Variants in MLF1 observed in about 807,000 individuals in gnomAD.
MLF1 encodes the protein myeloid leukemia factor 1, also known as myelodysplasia-myeloid leukemia factor 1.
MLF1 carries 37 observed loss-of-function variants against 38.3 expected under a neutral mutation model. The ratio of observed to expected loss-of-function variants is 0.96; its 90% confidence interval spans 0.74 to 1.27. The LOEUF is 1.27. Among genes scored for constraint, MLF1 ranks in the 50% most tolerant of loss-of-function variants. The pLI is 0.00. For missense variants in MLF1, 331 were observed against 349.2 expected (o/e 0.95, Z 0.42); for synonymous variants, 95 against 106.5 (o/e 0.89, Z 0.66).
chr3:158,585,815 G>A (rs1020444628), intron 1 of MLF1, among the ~76,000 whole-genome samples: 21 of 152,136 alleles, frequency 1.4e-4, no homozygotes, highest in Non-Finnish European at 3.1e-4. Flanking sequence ...AGTAATTTAA[G>A]AACAATTTCT....
intron 6 of MLF1, among the ~76,000 whole-genome samples, chr3:158,600,536 A>G (rs1719594146): frequency 6.6e-6 from 1 of 151,482 alleles, no homozygotes. Flanking sequence ...AACTCAAAAT[A>G]CTAGTAATAT....
In MLF1 at chr3:158,600,032, G is replaced by A. The variant is rs73024716; in HGVS notation, c.472G>A (p.Ala158Thr). The change falls in exon 6 of 8, where the codon GCA becomes ACA. Residue 158 changes from alanine to threonine, a missense_variant. Physicochemically the swap from Ala to Thr is moderately conservative, Grantham distance 58. Coordinates refer to ENST00000466246, the MANE Select transcript of MLF1 (RefSeq NM_001369783.1). Reference sequence around the variant, plus strand: ...TTTACAGATAAAGGAAACCAGGAAAGCAATGAGAGATTCTGACAGTGGACT... The same window carrying A: ...TTTACAGATAAAGGAAACCAGGAAAACAATGAGAGATTCTGACAGTGGACT... ...APGGIKETRK[A>T]MRDSDSGLEK... The A allele has an allele frequency of 2.9e-3, 4,161 of 1,414,912 alleles. 103 individuals carry two copies. In the African/African-American group the frequency reaches 0.056, roughly 19 times the overall value. 87.6% of individuals were successfully genotyped at this position (1,414,912 alleles called of 1,614,324 possible). A position where few individuals can be genotyped will look rare whatever the true frequency, so the allele number is the denominator to read the frequency against.
At chr3:158,591,107 G>A (rs1180126768) in intron 1 of MLF1, 1 of 513,242 alleles carries the variant, frequency 1.9e-6, no homozygotes. Context: ...CAGAATTTTT[G>A]AGCTTCCTCC....
In MLF1 at chr3:158,598,352, T is replaced by C. The variant is rs948025476; in HGVS notation, c.453+144T>C. On this transcript the variant is annotated intron_variant, in intron 5 of 7. Transcript: ENST00000466246. Reference sequence around the variant, plus strand: ...GGTGTGGGGGTTGGGGGTAAGGTAGTCCTCACTGTGGAAACCATTAAAGCT... The same window carrying C: ...GGTGTGGGGGTTGGGGGTAAGGTAGCCCTCACTGTGGAAACCATTAAAGCT... 17 of 820,562 alleles carry C rather than the reference T, an allele frequency of 2.1e-5. No individual in the cohort carries two copies. The African/African-American group carries it at 3.0e-4, about 14-fold the overall frequency. The allele number at this position is 820,562 out of a possible 1,614,324, so 50.8% of individuals were successfully genotyped here.
At chr3:158,591,478 C>G (rs1374112752) in intron 1 of MLF1, among the ~76,000 whole-genome samples, 1 of 152,034 alleles carries the variant, frequency 6.6e-6, no homozygotes, top group East Asian at 1.9e-4. Flanking sequence ...ATTTTAAAAA[C>G]TTTCTAGCTT....
chr3:158,600,075 G>T lies in MLF1; in HGVS notation c.515G>T (p.Gly172Val), dbSNP rs1576687602. The T allele has an allele frequency of 3.4e-6, 5 of 1,467,386 alleles. No homozygotes were observed. The East Asian group carries it at 1.3e-4, about 38-fold the overall frequency. The allele number at this position is 1,467,386 out of a possible 1,614,324, so 90.9% of individuals were successfully genotyped here. A position where few individuals can be genotyped will look rare whatever the true frequency, so the allele number is the denominator to read the frequency against. Residue 172 changes from glycine to valine, a missense_variant, in exon 6 of 8, where the codon GGT becomes GTT. Coordinates refer to ENST00000466246, the MANE Select transcript of MLF1 (RefSeq NM_001369783.1). ...SDSGLEKMAI[G>V]HHIHDRAHVI... ...AGTGGACTAGAAAAAATGGCTATTG[G>T]TCATCATATCCATGACCGAGCTCAT...
intron 1 of MLF1, among the ~76,000 whole-genome samples, chr3:158,580,213 A>G (rs1335926363): frequency 6.6e-6 from 1 of 152,010 alleles, no homozygotes; most frequent in Non-Finnish European, 1.5e-5. Flanking sequence ...TGATGGGTTG[A>G]TACGTGTAGC....
At chr3:158,589,638 A>T (rs1426693627) in intron 1 of MLF1, among the ~76,000 whole-genome samples, 2 of 152,228 alleles carry the variant, frequency 1.3e-5, no homozygotes, top group Non-Finnish European at 2.9e-5. Flanking sequence ...TGTATATTTT[A>T]AAATTAAAAT....
intron 1 of MLF1, chr3:158,590,861 G>A (rs550095655): frequency 8.7e-5 from 39 of 447,732 alleles, no homozygotes; most frequent in South Asian, 5.4e-4. Context: ...GGTAAATTTC[G>A]TTGAATGTAA....
intron 1 of MLF1, among the ~76,000 whole-genome samples, chr3:158,585,053 A>G (rs1576657689): frequency 7.0e-6 from 1 of 142,954 alleles, no homozygotes; most frequent in South Asian, 2.2e-4. Flanking sequence ...AAAAAAAAAA[A>G]AAGAAAAAGA....
At chr3:158,587,955 C>G (rs1463749734) in intron 1 of MLF1, among the ~76,000 whole-genome samples, 2 of 152,096 alleles carry the variant, frequency 1.3e-5, no homozygotes, top group East Asian at 1.9e-4. Context: ...GAGCTGAGAT[C>G]GTGCCACTGC....
chr3:158,591,467 A>G (rs746897554), intron 1 of MLF1, among the ~76,000 whole-genome samples: 7 of 152,002 alleles, frequency 4.6e-5, no homozygotes, highest in Non-Finnish European at 1.0e-4. Context: ...GCCAAGAAAA[A>G]ATTTTAAAAA....
intron 3 of MLF1, among the ~76,000 whole-genome samples, chr3:158,594,469 C>T (rs1017826811): frequency 7.9e-5 from 8 of 100,810 alleles, no homozygotes; most frequent in African/African-American, 4.1e-4. Flanking sequence ...TTCTTTAGAC[C>T]GTAGAAGGAG....
intron 1 of MLF1, among the ~76,000 whole-genome samples, chr3:158,585,036 T>TGAA (rs1472679606): frequency 1.3e-5 from 1 of 74,810 alleles, no homozygotes; most frequent in Non-Finnish European, 2.4e-5. Flanking sequence ...AGACTCTGTC[T>TGAA]GAAAAAAAAA....
At chr3:158,576,496 T>A (rs1056406396) in intron 1 of MLF1, among the ~76,000 whole-genome samples, 1 of 152,180 alleles carries the variant, frequency 6.6e-6, no homozygotes, top group Non-Finnish European at 1.5e-5. Flanking sequence ...AGTTTATAAA[T>A]ATTTAGTACG....
intron 1 of MLF1, chr3:158,591,082 C>G: frequency 2.0e-6 from 1 of 511,170 alleles, no homozygotes; most frequent in Non-Finnish European, 3.9e-6. Flanking sequence ...TCTACTTGGA[C>G]TTATGAGCAG....
intron 1 of MLF1, among the ~76,000 whole-genome samples, chr3:158,586,156 C>A (rs992300358): frequency 7.1e-6 from 1 of 140,692 alleles, no homozygotes. Context: ...AAGAGTGAAA[C>A]TCTGTCTCAA....
intron 1 of MLF1, among the ~76,000 whole-genome samples, chr3:158,590,438 G>A (rs1397130430): frequency 6.6e-6 from 1 of 152,134 alleles, no homozygotes; most frequent in Non-Finnish European, 1.5e-5. Context: ...GTTTACTTAA[G>A]TCAAATTATG....
In MLF1 at chr3:158,592,431, CAGTG is replaced by C. The variant is rs1560105927; in HGVS notation, c.49_52del (p.Glu17ProfsTer12). 6.3e-7 allele frequency: 1 copy of C among 1,598,484 alleles called. No homozygotes were observed. Among genetic ancestry groups the C allele is most frequent in the Non-Finnish European group, 8.5e-7 (1 of 1,175,178 alleles). Reference sequence around the variant, plus strand: ...CTTTCATGATTATGTATATTTTCAACAGTGAGTCCATTCTTGCACACCGAGAAAA... The same window carrying C: ...CTTTCATGATTATGTATATTTTCAACAGTCCATTCTTGCACACCGAGAAAA... On this transcript the variant is annotated splice_acceptor_variant and coding_sequence_variant, in exon 2 of 8. Transcript: ENST00000466246. LOFTEE classifies it high-confidence loss of function.
Sources: gnomAD v4.1 joint callset for allele counts (sites outside exome capture counted in the v4.1 genomes callset) on GRCh38, gnomAD v4.1.1 for gene constraint, MANE v1.5 for transcripts, NCBI Gene and HGNC (gene_info 2026-07-23, HGNC 2026-07-21) for gene names.